The following MAML3 variants were observed in gnomAD, a reference collection of about 807,000 sequenced individuals.
MAML3 encodes the protein mastermind-like protein 3.
MAML3 carries 27 observed loss-of-function variants against 101.9 expected under a neutral mutation model. The ratio of observed to expected loss-of-function variants is 0.27; its 90% CI spans 0.20 to 0.37. The LOEUF is 0.37. MAML3 is among the 10% of genes least tolerant of loss of function. The probability of loss-of-function intolerance (pLI) is 1.00; values close to 1 mark genes in which losing one functional copy is unlikely to be tolerated. For synonymous variants in MAML3, 501 were observed against 555.9 expected (o/e 0.90, Z 1.39); for missense variants, 1,316 against 1,444.9 (o/e 0.91, Z 1.45).
chr4:139,903,498 G>T (rs1245808192), intron 1 of MAML3, among the ~76,000 whole-genome samples: 2 of 152,198 alleles, frequency 1.3e-5, no homozygotes, highest in South Asian at 2.1e-4. Context: ...ATACACAAAG[G>T]TGGTAAATAC....
At chr4:139,983,201 A>G (rs533925039) in intron 1 of MAML3, among the ~76,000 whole-genome samples, 24 of 152,322 alleles carry the variant, frequency 1.6e-4, no homozygotes, top group Non-Finnish European at 2.8e-4. Context: ...ATTCACCTTT[A>G]GGGCGTTATA....
rs867767499 is a variant in MAML3, at chr4:140,061,397, A to G, written c.468+91463T>C. On this transcript the variant is annotated intron_variant, in intron 1 of 4. Transcript: ENST00000509479. The stretch of plus-strand genomic sequence containing the variant: ...TCAAAAAACATACTGCCTCTGATAC[A>G]GGAGGAAGACAGCAATCTAGCACAG... Among the ~76,000 whole-genome samples, 67 of 152,370 alleles carry G rather than the reference A, an allele frequency of 4.4e-4. 1 individual carries two copies. Among genetic ancestry groups the G allele is most frequent in the African/African-American group, 1.4e-3 (57 of 41,590 alleles).
At chr4:140,062,854 C>A (rs1189950962) in intron 1 of MAML3, among the ~76,000 whole-genome samples, 1 of 152,222 alleles carries the variant, frequency 6.6e-6, no homozygotes, top group Non-Finnish European at 1.5e-5. Flanking sequence ...CTGCACAGTA[C>A]TTCCTTGAGT....
At chr4:140,052,411 G>A (rs998246976) in intron 1 of MAML3, among the ~76,000 whole-genome samples, 4 of 152,306 alleles carry the variant, frequency 2.6e-5, no homozygotes, top group Admixed American at 2.6e-4. Flanking sequence ...TCTGTGTGGG[G>A]TGTGCAAAGT....
chr4:139,765,564 T>C (rs970919668), intron 2 of MAML3, among the ~76,000 whole-genome samples: 3 of 152,280 alleles, frequency 2.0e-5, no homozygotes, highest in South Asian at 2.1e-4. Flanking sequence ...GGTGGCCTTC[T>C]TCATTTCAAG....
At chr4:139,852,327 C>T (rs959911526) in intron 2 of MAML3, among the ~76,000 whole-genome samples, 1 of 150,308 alleles carries the variant, frequency 6.7e-6, no homozygotes, top group Non-Finnish European at 1.5e-5. Context: ...TAGAAAGCAC[C>T]ATAGGTCCAA....
chr4:139,839,721 A>G (rs1340751965), intron 2 of MAML3, among the ~76,000 whole-genome samples: 5 of 152,156 alleles, frequency 3.3e-5, no homozygotes, highest in Non-Finnish European at 5.9e-5. Flanking sequence ...TTTTTTCTAA[A>G]TGATTATTTC....
At chr4:139,828,370 C>A (rs753170502) in intron 2 of MAML3, among the ~76,000 whole-genome samples, 3 of 152,216 alleles carry the variant, frequency 2.0e-5, no homozygotes, top group Non-Finnish European at 2.9e-5. Flanking sequence ...AATGGTATTA[C>A]TACACTAATA....
intron 1 of MAML3, among the ~76,000 whole-genome samples, chr4:140,084,428 T>G (rs1727918335): frequency 6.6e-6 from 1 of 152,228 alleles, no homozygotes; most frequent in Non-Finnish European, 1.5e-5. Context: ...CCTGGCACAC[T>G]GCCACCCTAA....
At chr4:140,076,350 GA>G (rs1346687071) in intron 1 of MAML3, among the ~76,000 whole-genome samples, 22 of 152,250 alleles carry the variant, frequency 1.4e-4, no homozygotes, top group African/African-American at 5.3e-4. Context: ...CGTTCAAAGT[GA>G]AAATGCATTT....
At chr4:139,721,090 C>T (rs1044341641) in intron 4 of MAML3, among the ~76,000 whole-genome samples, 1 of 152,238 alleles carries the variant, frequency 6.6e-6, no homozygotes, top group African/African-American at 2.4e-5. Flanking sequence ...TGCGACTTGG[C>T]CATAAACTTT....
intron 2 of MAML3, among the ~76,000 whole-genome samples, chr4:139,797,753 C>T (rs1335993646): frequency 6.6e-6 from 1 of 152,076 alleles, no homozygotes; most frequent in Non-Finnish European, 1.5e-5. Flanking sequence ...CTATCCCCTG[C>T]ACCCCCCAAA....
At position 139,858,554 on chromosome 4, in the gene MAML3, G is replaced by A. The variant is rs537826542; in HGVS notation, c.2079+30803C>T. On this transcript the variant is annotated intron_variant, in intron 2 of 4. Transcript: ENST00000509479. The stretch of plus-strand genomic sequence containing the variant: ...TGAATTCATTGTACGTTCCTTGAAT[G>A]CTAAGACCATGTCACATGCTTTTGT... Among the ~76,000 whole-genome samples the A allele has an allele frequency of 2.7e-4, 40 of 150,612 alleles. No individual in the cohort carries two copies. In the South Asian group the frequency reaches 8.4e-3, roughly 31 times the overall value.
At chr4:139,916,095 A>G (rs1005819589) in intron 1 of MAML3, among the ~76,000 whole-genome samples, 2 of 152,224 alleles carry the variant, frequency 1.3e-5, no homozygotes, top group African/African-American at 4.8e-5. Flanking sequence ...CAGGGAGATT[A>G]AACAAATTGC....
intron 2 of MAML3, among the ~76,000 whole-genome samples, chr4:139,789,144 A>G (rs1730359269): frequency 6.6e-6 from 1 of 152,230 alleles, no homozygotes; most frequent in African/African-American, 2.4e-5. Flanking sequence ...CTGAACACCT[A>G]TCACATGAAA....
intron 2 of MAML3, among the ~76,000 whole-genome samples, chr4:139,837,213 C>T (rs76977738): frequency 0.018 from 2,736 of 151,854 alleles, 29 homozygotes; most frequent in Admixed American, 0.043. Flanking sequence ...AATCACTTTT[C>T]CTGGCCGGCG....
In MAML3 at chr4:139,942,632, CT is replaced by C. The variant is rs760397954; in HGVS notation, c.469-51666del. Among the ~76,000 whole-genome samples, 592 of 143,924 alleles carry C rather than the reference CT, an allele frequency of 4.1e-3. 1 individual carries two copies. Among genetic ancestry groups the C allele is most frequent in the Middle Eastern group, 7.1e-3 (2 of 280 alleles). The allele number at this position is 143,924 out of a possible 152,430, so 94.4% of individuals were successfully genotyped here. A position where few individuals can be genotyped will look rare whatever the true frequency, so the allele number is the denominator to read the frequency against. ...CCTTCAAGAAGATATAATTTCATTA[CT>C]TTTTTTTTTTTTGCCAAACTATGTC... On this transcript the variant is annotated intron_variant, in intron 1 of 4. Transcript: ENST00000509479.
chr4:140,036,275 T>C (rs532212972), intron 1 of MAML3, among the ~76,000 whole-genome samples: 1 of 152,320 alleles, frequency 6.6e-6, no homozygotes, highest in Non-Finnish European at 1.5e-5. Flanking sequence ...GCCTCACTGC[T>C]TTCCTGGATA....
Position 140,148,616 on chromosome 4 carries a change from C to T in MAML3, c.468+4244G>A, listed in dbSNP as rs1399912730. ...AAGATGTAGAAATAGCTTGGTAATA[C>T]GAGCTTGCCAAAAAAATTGATACAG... On this transcript the variant is annotated intron_variant, in intron 1 of 4. Transcript: ENST00000509479. Among the ~76,000 whole-genome samples the T allele has an allele frequency of 2.6e-5, 4 of 152,250 alleles. No individual in the cohort carries two copies. The South Asian group carries it at 6.2e-4, about 24-fold the overall frequency.
Sources: gnomAD v4.1 joint callset for allele counts (sites outside exome capture counted in the v4.1 genomes callset) on GRCh38, gnomAD v4.1.1 for gene constraint, MANE v1.5 for transcripts, NCBI Gene and HGNC (gene_info 2026-07-23, HGNC 2026-07-21) for gene names.